LIMD1: variants seen among roughly 807,000 people sequenced by gnomAD.
LIMD1 encodes the protein LIM domain-containing protein 1.
LIMD1 carries 23 observed loss-of-function variants against 58.4 expected under a neutral mutation model. The observed-to-expected ratio is 0.39, with a 90% CI of 0.28 to 0.56. LIMD1 has a LOEUF of 0.56. Ranked by LOEUF, LIMD1 falls within the 20% of genes least tolerant of loss-of-function variation. The pLI is 0.57. For synonymous variants in LIMD1, 334 were observed against 345.5 expected, an observed-to-expected ratio of 0.97 and a Z score of 0.37; for missense variants, 838 against 855.5, an observed-to-expected ratio of 0.98 and a Z score of 0.25.
intron 1 of LIMD1, among the ~76,000 whole-genome samples, chr3:45,598,336 A>C (rs2125646762): frequency 6.6e-6 from 1 of 152,354 alleles, no homozygotes; most frequent in African/African-American, 2.4e-5. Context: ...ATTTGGGAGT[A>C]ATAGTTAGCT....
At chr3:45,614,768 GT>G (rs34868046) in intron 1 of LIMD1, among the ~76,000 whole-genome samples, 2,413 of 137,484 alleles carry the variant, frequency 0.018, 55 homozygotes, top group African/African-American at 0.058. Flanking sequence ...ATTCCTGGGT[GT>G]TTTTTTTTTT....
intron 7 of LIMD1, among the ~76,000 whole-genome samples, chr3:45,676,342 T>C (rs1467826075): frequency 3.3e-5 from 5 of 150,284 alleles, no homozygotes; most frequent in African/African-American, 5.0e-5. Context: ...ATTTTATTTC[T>C]TCTAAAAAAA....
At chr3:45,662,433 T>C (rs1697454377) in intron 2 of LIMD1, among the ~76,000 whole-genome samples, 1 of 152,084 alleles carries the variant, frequency 6.6e-6, no homozygotes, top group Non-Finnish European at 1.5e-5. Context: ...ATATAAAAAT[T>C]GTGTGTGTAT....
rs1436448836 is a variant in LIMD1, at chr3:45,681,656, CCTGA to C, written c.*4600_*4603del. On this transcript the variant is annotated 3_prime_UTR_variant, in exon 8 of 8. Transcript: ENST00000273317. ...TATTTGATAATGGGCAGTAAGCCTGCCTGACTTTTGCTCCAGAGACAGACACTAT... is the reference window on the plus strand; with the variant it reads ...TATTTGATAATGGGCAGTAAGCCTGCCTTTTGCTCCAGAGACAGACACTAT... 44 of 152,222 alleles carry C rather than the reference CCTGA, an allele frequency of 2.9e-4. No homozygotes were observed. The highest frequency in any genetic ancestry group is 9.9e-4 in the African/African-American group (41 of 41,448). 9.4% of individuals were successfully genotyped at this position (152,222 alleles called of 1,614,324 possible).
Position 45,674,390 on chromosome 3 carries a change from C to G in LIMD1, c.1872C>G (p.His624Gln). ...TCGTGTCCATGGACAGAGACTACCACGTGGAGTGTTACCACTGCGAGGTAG... is the reference window on the plus strand; with the variant it reads ...TCGTGTCCATGGACAGAGACTACCAGGTGGAGTGTTACCACTGCGAGGTAG... ...IRVVSMDRDYHVECYHCEDCG... is the reference protein window; with the variant it reads ...IRVVSMDRDYQVECYHCEDCG... Residue 624 changes from histidine to glutamine, a missense_variant, in exon 7 of 8, where the codon CAC becomes CAG. His to Gln is a conservative substitution (Grantham distance 24). Transcript: ENST00000273317. 1 of 1,613,812 alleles carries G rather than the reference C, an allele frequency of 6.2e-7. No individual in the cohort carries two copies. Among genetic ancestry groups the G allele is most frequent in the Non-Finnish European group, 8.5e-7 (1 of 1,179,834 alleles).
intron 1 of LIMD1, among the ~76,000 whole-genome samples, chr3:45,607,879 C>T (rs1332964837): frequency 6.6e-6 from 1 of 152,250 alleles, no homozygotes; most frequent in African/African-American, 2.4e-5. Flanking sequence ...GATTTCCTTT[C>T]AGCAGGGTGG....
chr3:45,658,654 C>T (rs12493287), intron 2 of LIMD1, among the ~76,000 whole-genome samples: 36,916 of 142,894 alleles, frequency 0.26, 5,496 homozygotes, highest in East Asian at 0.57. Context: ...TCCTTGGGTT[C>T]AAGTGATTCT....
Position 45,594,775 on chromosome 3 carries a change from C to T in LIMD1, c.-105C>T, listed in dbSNP as rs1056294645. On this transcript the variant is annotated 5_prime_UTR_variant, in exon 1 of 8. Transcript: ENST00000273317. ...CCTTCGCCAGCATCTCCCCGCTGCCCTCAACACACACACACACACACACAC... is the reference window on the plus strand; with the variant it reads ...CCTTCGCCAGCATCTCCCCGCTGCCTTCAACACACACACACACACACACAC... 3 of 797,550 alleles carry T rather than the reference C, an allele frequency of 3.8e-6. No individual in the cohort carries two copies. The African/African-American group carries it at 7.3e-5, about 19-fold the overall frequency. The allele number at this position is 797,550 out of a possible 1,614,324, so 49.4% of individuals were successfully genotyped here. A position where few individuals can be genotyped will look rare whatever the true frequency, so the allele number is the denominator to read the frequency against.
chr3:45,643,314 A>G (rs976364119), intron 2 of LIMD1, among the ~76,000 whole-genome samples: 1 of 152,000 alleles, frequency 6.6e-6, no homozygotes, highest in African/African-American at 2.4e-5. Flanking sequence ...GCAAAACCCC[A>G]TCTCTACTAA....
chr3:45,651,413 G>A lies in LIMD1; in HGVS notation c.1511-14237G>A, dbSNP rs116211626. 1.5e-3 allele frequency among the ~76,000 whole-genome samples: 225 copies of A among 152,220 alleles called. 1 individual carries two copies. The highest frequency in any genetic ancestry group is 2.2e-3 in the Non-Finnish European group (148 of 68,018). On this transcript the variant is annotated intron_variant, in intron 2 of 7. Transcript: ENST00000273317. ...TTAGTTATGAAGTCCTTGCCTGTGCGTGTGTCCTGAATGGTACTGCCTAGA... is the reference window on the plus strand; with the variant it reads ...TTAGTTATGAAGTCCTTGCCTGTGCATGTGTCCTGAATGGTACTGCCTAGA...
intron 1 of LIMD1, among the ~76,000 whole-genome samples, chr3:45,629,868 C>T (rs891854891): frequency 6.6e-6 from 1 of 152,220 alleles, no homozygotes; most frequent in African/African-American, 2.4e-5. Context: ...GCCACACTCC[C>T]ATTGCACACC....
Position 45,595,162 on chromosome 3 carries a change from A to T in LIMD1, c.283A>T (p.Ser95Cys). 1 of 1,605,364 alleles carries T rather than the reference A, an allele frequency of 6.2e-7. No individual in the cohort carries two copies. The highest frequency in any genetic ancestry group is 8.5e-7 in the Non-Finnish European group (1 of 1,175,682). Residue 95 changes from serine to cysteine, a missense_variant, in exon 1 of 8, where the codon AGC becomes TGC. Around this residue, in one of 3 missense-constraint regions of LIMD1, gnomAD observed 659 missense variants for 639.8 expected, o/e 1.03. Coordinates refer to ENST00000273317, the MANE Select transcript of LIMD1 (RefSeq NM_014240.3). ...GPQARWEVVG[S>C]KLTVDGAAKP... ...ACAGGCCCGTTGGGAAGTTGTGGGC[A>T]GCAAGCTGACTGTGGATGGTGCTGC...
intron 5 of LIMD1, among the ~76,000 whole-genome samples, chr3:45,673,034 A>G (rs1409825163): frequency 6.7e-6 from 1 of 149,746 alleles, no homozygotes; most frequent in African/African-American, 2.5e-5. Flanking sequence ...TGTTTAGTGA[A>G]AAAAAAAAAA....
At chr3:45,676,050 C>T (rs1032255150) in intron 7 of LIMD1, among the ~76,000 whole-genome samples, 1 of 152,084 alleles carries the variant, frequency 6.6e-6, no homozygotes, top group Non-Finnish European at 1.5e-5. Context: ...TCAAGACCAG[C>T]CTGGCCAACA....
chr3:45,651,113 C>T (rs1447127217), intron 2 of LIMD1, among the ~76,000 whole-genome samples: 11 of 152,014 alleles, frequency 7.2e-5, no homozygotes, highest in South Asian at 2.1e-4. Context: ...TTTCATATGT[C>T]TGTTGGCTGC....
chr3:45,608,456 G>A (rs575949825), intron 1 of LIMD1, among the ~76,000 whole-genome samples: 1 of 152,270 alleles, frequency 6.6e-6, no homozygotes, highest in South Asian at 2.1e-4. Flanking sequence ...GCCCACTGAC[G>A]GAGTGAAGAA....
At chr3:45,606,086 T>C (rs1701465495) in intron 1 of LIMD1, among the ~76,000 whole-genome samples, 1 of 152,254 alleles carries the variant, frequency 6.6e-6, no homozygotes, top group African/African-American at 2.4e-5. Context: ...TCTAGCAGTT[T>C]CTCTGCCAGA....
chr3:45,640,528 A>G (rs1448785669), intron 2 of LIMD1, among the ~76,000 whole-genome samples: 5 of 152,188 alleles, frequency 3.3e-5, no homozygotes, highest in Middle Eastern at 3.4e-3. Flanking sequence ...CCCGGGTTCA[A>G]GCGATTCTCC....
intron 4 of LIMD1, 75 bp from the exon 5 acceptor site, chr3:45,672,615 C>A: frequency 6.6e-7 from 1 of 1,512,818 alleles, no homozygotes; most frequent in Non-Finnish European, 9.1e-7. Context: ...AATCCTTAGG[C>A]CTGATGTGTT....
Sources: gnomAD v4.1 joint callset for allele counts (sites outside exome capture counted in the v4.1 genomes callset) on GRCh38, gnomAD v4.1.1 for gene constraint, gnomAD v4.1.1 regional missense constraint, MANE v1.5 for transcripts, NCBI Gene and HGNC (gene_info 2026-07-23, HGNC 2026-07-21) for gene names.